Variants in NFASC observed in about 807,000 individuals in gnomAD.
NFASC encodes the protein neurofascin.
Under a neutral mutation model 147.5 loss-of-function variants are expected in NFASC, and 43 were observed. The observed-to-expected ratio is 0.29, with a 90% confidence interval of 0.23 to 0.38. The LOEUF is 0.38. Among genes scored for constraint, NFASC ranks in the 10% least tolerant of loss-of-function variants. NFASC has a pLI of 1.00. For missense variants in NFASC, 1,320 were observed against 1,689.0 expected, an observed-to-expected ratio of 0.78 and a Z score of 3.83; for synonymous variants, 622 against 665.5, an observed-to-expected ratio of 0.93 and a Z score of 1.01.
intron 1 of NFASC, among the ~76,000 whole-genome samples, chr1:204,873,625 G>A (rs2078160808): frequency 6.6e-6 from 1 of 152,288 alleles, no homozygotes; most frequent in African/African-American, 2.4e-5. Context: ...TCTTTACCTA[G>A]GACACAAGCA....
rs568802322 is a variant in NFASC at position 204,944,278 on chromosome 1, G to A, written c.-38G>A. ...AAGCGGCTCGAGGTGACAAGACCCCGAGTGCTGGGGAGCAGGGAGCAGGGC... is the reference window on the plus strand; with the variant it reads ...AAGCGGCTCGAGGTGACAAGACCCCAAGTGCTGGGGAGCAGGGAGCAGGGC... On this transcript the variant is annotated 5_prime_UTR_variant, in exon 3 of 30. Coordinates refer to ENST00000339876, the MANE Select transcript of NFASC (RefSeq NM_001005388.3). 1.0e-5 allele frequency: 16 copies of A among 1,606,694 alleles called. 1 individual carries two copies. Among genetic ancestry groups the A allele is most frequent in the East Asian group, 4.5e-5 (2 of 44,488 alleles).
At chr1:204,868,550 A>G (rs920624906) in intron 1 of NFASC, among the ~76,000 whole-genome samples, 2 of 151,778 alleles carry the variant, frequency 1.3e-5, no homozygotes, top group Non-Finnish European at 2.9e-5. Flanking sequence ...CTGGCTGCCA[A>G]CCCCTCCTGG....
rs2094035352 is a variant in NFASC, at chr1:204,950,585, T to C, written c.109+11T>C. On this transcript the variant is annotated intron_variant, in intron 4 of 29. Transcript: ENST00000339876. ...GCATTCAGAATGAGCGTAAGTGCCC[T>C]GTGTGCCTCTCTGTGCCTCTGGGAG... 3.1e-6 allele frequency: 5 copies of C among 1,612,026 alleles called. No individual in the cohort carries two copies. Among genetic ancestry groups the C allele is most frequent in the East Asian group, 2.2e-5 (1 of 44,852 alleles).
At chr1:204,927,396 C>G (rs1357027288) in intron 2 of NFASC, among the ~76,000 whole-genome samples, 1 of 152,136 alleles carries the variant, frequency 6.6e-6, no homozygotes, top group African/African-American at 2.4e-5. Flanking sequence ...ATCAGTAATT[C>G]ATTTCTTTTT....
At chr1:204,914,888 A>G (rs2088767291) in intron 1 of NFASC, among the ~76,000 whole-genome samples, 1 of 152,256 alleles carries the variant, frequency 6.6e-6, no homozygotes, top group African/African-American at 2.4e-5. Flanking sequence ...AATTTTCTAT[A>G]TGAAATGATT....
At chr1:205,005,524 C>CCTGGTCTTTGCACACAGATATTA (rs2096087138) in intron 27 of NFASC, among the ~76,000 whole-genome samples, 1 of 152,166 alleles carries the variant, frequency 6.6e-6, no homozygotes, top group Non-Finnish European at 1.5e-5. Context: ...GTAAACGCAC[C>CCTGGTCTTTGCACACAGATATTA]CTGGTCTTTG....
At chr1:204,874,598 C>T (rs1267284287) in intron 1 of NFASC, among the ~76,000 whole-genome samples, 1 of 152,232 alleles carries the variant, frequency 6.6e-6, no homozygotes, top group Admixed American at 6.5e-5. Flanking sequence ...CCCTCGGGCC[C>T]TGGGTCCTGA....
intron 1 of NFASC, among the ~76,000 whole-genome samples, chr1:204,861,943 CA>C (rs2076718699): frequency 1.3e-5 from 2 of 152,188 alleles, no homozygotes. Context: ...TGGGTGGACA[CA>C]ACATGGGGAT....
chr1:204,903,552 A>G (rs2085126503), intron 1 of NFASC, among the ~76,000 whole-genome samples: 1 of 152,106 alleles, frequency 6.6e-6, no homozygotes, highest in African/African-American at 2.4e-5. Context: ...CTTTCCCAAG[A>G]CTATTCCATC....
chr1:204,908,391 C>T (rs1452975276), intron 1 of NFASC, among the ~76,000 whole-genome samples: 1 of 151,076 alleles, frequency 6.6e-6, no homozygotes, highest in East Asian at 1.9e-4. Flanking sequence ...TTGGTTCTGC[C>T]AAGAGAAAAA....
intron 2 of NFASC, among the ~76,000 whole-genome samples, chr1:204,921,582 C>CT (rs1347123548): frequency 6.6e-6 from 1 of 152,070 alleles, no homozygotes; most frequent in Non-Finnish European, 1.5e-5. Flanking sequence ...AAAGTGGAAG[C>CT]TGAGAGTGCC....
At chr1:204,995,548 A>G (rs2095830070) in intron 24 of NFASC, among the ~76,000 whole-genome samples, 1 of 151,994 alleles carries the variant, frequency 6.6e-6, no homozygotes, top group African/African-American at 2.4e-5. Context: ...TTTGGGGAGT[A>G]TAGCATTGTG....
intron 1 of NFASC, among the ~76,000 whole-genome samples, chr1:204,859,290 A>C (rs77958651): frequency 0.034 from 5,239 of 152,252 alleles, 296 homozygotes; most frequent in African/African-American, 0.12. Flanking sequence ...CTGTCCTCAG[A>C]GAGATCCCCC....
At chr1:204,880,744 T>C (rs1044910640) in intron 1 of NFASC, among the ~76,000 whole-genome samples, 1 of 151,930 alleles carries the variant, frequency 6.6e-6, no homozygotes, top group Admixed American at 6.6e-5. Context: ...GGATTTGGGG[T>C]TTTTGATTTT....
In NFASC at chr1:204,864,602, T is replaced by G. The variant is rs61819419; in HGVS notation, c.-200+35820T>G. ...AGGTGTGAAGTGGTATCTCATTGTT[T>G]TGATTTGCATTTCCCTATAATGATT... On this transcript the variant is annotated intron_variant, in intron 1 of 29. Transcript: ENST00000339876. Among the ~76,000 whole-genome samples, 357 of 152,360 alleles carry G rather than the reference T, an allele frequency of 2.3e-3. 2 individuals are homozygous for G. Among genetic ancestry groups the G allele is most frequent in the Non-Finnish European group, 3.7e-3 (250 of 68,024 alleles).
At chr1:204,925,717 A>G (rs1038395855) in intron 2 of NFASC, among the ~76,000 whole-genome samples, 17 of 152,236 alleles carry the variant, frequency 1.1e-4, no homozygotes, top group African/African-American at 4.1e-4. Flanking sequence ...TGGTTTTCAA[A>G]TGGCTTTAGG....
At chr1:204,998,917 A>G (rs1459815331) in intron 25 of NFASC, 1 of 152,250 alleles carries the variant, frequency 6.6e-6, no homozygotes, top group East Asian at 1.9e-4. Context: ...GACGCTGCAG[A>G]GGACCTGGCC....
chr1:204,975,532 C>T lies in NFASC; in HGVS notation c.1706+114C>T, dbSNP rs1574012085. 2 of 1,379,056 alleles carry T rather than the reference C, an allele frequency of 1.5e-6. No homozygotes were observed. The highest frequency in any genetic ancestry group is 4.7e-5 in the East Asian group (2 of 42,832). The allele number at this position is 1,379,056 out of a possible 1,614,324, so 85.4% of individuals were successfully genotyped here. On this transcript the variant is annotated intron_variant, in intron 15 of 29. Coordinates refer to ENST00000339876, the MANE Select transcript of NFASC (RefSeq NM_001005388.3). This position sits in a 1 kb window ranked among gnomAD's most constrained non-coding sequence, Gnocchi z 4.0. Reference sequence around the variant, plus strand: ...GACAGGGAACCCGTGTCATGCATGTCACCAAGGAGCTTCTGCAGAGGGGGT... The same window carrying T: ...GACAGGGAACCCGTGTCATGCATGTTACCAAGGAGCTTCTGCAGAGGGGGT...
At chr1:204,895,401 T>C (rs1457838648) in intron 1 of NFASC, among the ~76,000 whole-genome samples, 2 of 152,226 alleles carry the variant, frequency 1.3e-5, no homozygotes, top group South Asian at 4.1e-4. Flanking sequence ...CCTGCTTCAG[T>C]TTTGCTGTAG....
Sources: allele counts gnomAD v4.1 joint callset (sites outside exome capture counted in the v4.1 genomes callset), GRCh38; gene constraint gnomAD v4.1.1; non-coding constraint Gnocchi (gnomAD v3.1); transcripts MANE v1.5; gene names NCBI Gene and HGNC (gene_info 2026-07-23, HGNC 2026-07-21).